The following CDIN1 variants were observed in gnomAD, a reference collection of about 807,000 sequenced individuals.
CDIN1 encodes CDAN1-interacting nuclease 1.
Under a neutral mutation model 45.3 loss-of-function variants are expected in CDIN1, and 33 were observed. The ratio of observed to expected loss-of-function variants is 0.73; its 90% CI spans 0.55 to 0.97. The LOEUF (loss-of-function observed/expected upper bound fraction) is 0.97. Among genes scored for constraint, CDIN1 ranks in the 50% least tolerant of loss-of-function variants. The pLI, the probability that CDIN1 is intolerant of heterozygous loss-of-function variation, is 0.00. For missense variants in CDIN1, 303 were observed against 339.4 expected (o/e 0.89, Z 0.84); for synonymous variants, 118 against 124.4 (o/e 0.95, Z 0.34).
chr15:36,756,353 T>C (rs943363581), intron 10 of CDIN1, among the ~76,000 whole-genome samples: 5 of 152,216 alleles, frequency 3.3e-5, no homozygotes, highest in Admixed American at 6.5e-5. Context: ...ATATTTCATA[T>C]GTTGGTGTTT....
intron 1 of CDIN1, among the ~76,000 whole-genome samples, chr15:36,623,821 G>A (rs1566842567): frequency 6.6e-6 from 1 of 152,174 alleles, no homozygotes; most frequent in Non-Finnish European, 1.5e-5. Context: ...TTGACATACT[G>A]GTTCTTGAAA....
At chr15:36,646,430 C>T (rs1021697234) in intron 3 of CDIN1, among the ~76,000 whole-genome samples, 1 of 152,126 alleles carries the variant, frequency 6.6e-6, no homozygotes, top group East Asian at 1.9e-4. Context: ...CACACAGACA[C>T]AGACACATAC....
intron 10 of CDIN1, among the ~76,000 whole-genome samples, chr15:36,719,606 G>A (rs975830149): frequency 3.9e-5 from 6 of 152,068 alleles, no homozygotes; most frequent in Admixed American, 2.6e-4. Flanking sequence ...TATTTATCTG[G>A]TATTGGTATT....
intron 1 of CDIN1, among the ~76,000 whole-genome samples, chr15:36,625,700 C>T (rs1026129862): frequency 4.6e-5 from 7 of 152,042 alleles, no homozygotes; most frequent in Admixed American, 4.6e-4. Context: ...AGAGCCTGGC[C>T]CAGTCCTGGA....
chr15:36,710,378 A>G (rs1382358242), intron 10 of CDIN1, among the ~76,000 whole-genome samples: 3 of 152,186 alleles, frequency 2.0e-5, no homozygotes, highest in African/African-American at 7.2e-5. Flanking sequence ...AGATGGAAAT[A>G]ATACACCTTC....
At chr15:36,777,421 AGG>A (rs1372900228) in intron 10 of CDIN1, among the ~76,000 whole-genome samples, 1 of 149,812 alleles carries the variant, frequency 6.7e-6, no homozygotes, top group Non-Finnish European at 1.5e-5. Flanking sequence ...AAAAAAAAAA[AGG>A]TCCATTGTCC....
At chr15:36,603,413 A>G (rs541514120) in intron 1 of CDIN1, among the ~76,000 whole-genome samples, 2 of 152,298 alleles carry the variant, frequency 1.3e-5, no homozygotes, top group South Asian at 4.1e-4. Context: ...TTTCAGTTAC[A>G]TTTTAAAGCA....
chr15:36,700,821 TCTCAGTAC>T (rs1208615214), intron 8 of CDIN1, among the ~76,000 whole-genome samples: 1 of 152,004 alleles, frequency 6.6e-6, no homozygotes, highest in Non-Finnish European at 1.5e-5. Context: ...TTTGGCCGTA[TCTCAGTAC>T]TTTGGGAGGC....
chr15:36,763,974 C>G lies in CDIN1; in HGVS notation c.717-44350C>G, dbSNP rs77385496. 2.7e-3 allele frequency among the ~76,000 whole-genome samples: 416 copies of G among 152,240 alleles called. 7 individuals are homozygous for G. The Middle Eastern group carries it at 0.031, about 11-fold the overall frequency. ...TGTCAGTATCCATTCTCTATGCGTA[C>G]CAAAACAAACCACAAGTTCAAAAAA... On this transcript the variant is annotated intron_variant, in intron 10 of 10. Coordinates refer to ENST00000566621, the MANE Select transcript of CDIN1 (RefSeq NM_001321759.2).
At chr15:36,756,996 C>T (rs765893913) in intron 10 of CDIN1, among the ~76,000 whole-genome samples, 7 of 152,044 alleles carry the variant, frequency 4.6e-5, no homozygotes, top group South Asian at 4.1e-4. Flanking sequence ...GCAATTTCAA[C>T]GGAAAGTGAA....
At chr15:36,713,183 G>T (rs964278073) in intron 10 of CDIN1, among the ~76,000 whole-genome samples, 1 of 152,102 alleles carries the variant, frequency 6.6e-6, no homozygotes, top group East Asian at 1.9e-4. Context: ...GATAAAGTGG[G>T]TCAGTTTGAA....
At chr15:36,686,574 A>G (rs565404737) in intron 5 of CDIN1, among the ~76,000 whole-genome samples, 7 of 151,344 alleles carry the variant, frequency 4.6e-5, no homozygotes, top group Admixed American at 3.3e-4. Context: ...AAAAAAAAAA[A>G]AAAGAAAAAG....
At position 36,584,914 on chromosome 15, in the gene CDIN1, G is replaced by A. The variant is rs780956223; in HGVS notation, c.101+4953G>A. Among the ~76,000 whole-genome samples, 5 of 152,106 alleles carry A rather than the reference G, an allele frequency of 3.3e-5. No individual in the cohort carries two copies. The East Asian group carries it at 7.7e-4, about 23-fold the overall frequency. ...ACAAAATAATGTTGAACAAAATAAC[G>A]TTATTTGAAGACTTTCTGTAATGGG... On this transcript the variant is annotated intron_variant, in intron 1 of 10. Transcript: ENST00000566621.
chr15:36,767,215 T>G (rs555346167), intron 10 of CDIN1, among the ~76,000 whole-genome samples: 5 of 152,288 alleles, frequency 3.3e-5, no homozygotes, highest in African/African-American at 4.8e-5. Context: ...CAGAGTTGAC[T>G]CTGAATCTTG....
chr15:36,590,553 G>A (rs1436734075), intron 1 of CDIN1, among the ~76,000 whole-genome samples: 4 of 152,114 alleles, frequency 2.6e-5, no homozygotes, highest in African/African-American at 7.2e-5. Flanking sequence ...GTCTTTTTCT[G>A]AGGTTGTCCT....
At chr15:36,619,516 T>C (rs62002291) in intron 1 of CDIN1, among the ~76,000 whole-genome samples, 19 of 129,484 alleles carry the variant, frequency 1.5e-4, no homozygotes, top group South Asian at 2.5e-4. Context: ...TCTATCTATC[T>C]ATCCATCCAT....
intron 5 of CDIN1, among the ~76,000 whole-genome samples, chr15:36,678,302 G>A (rs1185358491): frequency 2.0e-5 from 3 of 152,176 alleles, no homozygotes; most frequent in Non-Finnish European, 4.4e-5. Flanking sequence ...GACACTGGCA[G>A]GTCAACCCCT....
chr15:36,760,953 C>T (rs976493712), intron 10 of CDIN1, among the ~76,000 whole-genome samples: 1 of 152,202 alleles, frequency 6.6e-6, no homozygotes, highest in Non-Finnish European at 1.5e-5. Context: ...TGGCCCAAGT[C>T]AGATGCCATC....
At chr15:36,656,909 A>T (rs1477656229) in intron 4 of CDIN1, among the ~76,000 whole-genome samples, 1 of 152,188 alleles carries the variant, frequency 6.6e-6, no homozygotes, top group Non-Finnish European at 1.5e-5. Context: ...ATTCATGGTG[A>T]TAATATATGA....
Sources: allele counts gnomAD v4.1 joint callset (sites outside exome capture counted in the v4.1 genomes callset), GRCh38; gene constraint gnomAD v4.1.1; transcripts MANE v1.5; gene names NCBI Gene and HGNC (gene_info 2026-07-23, HGNC 2026-07-21).